Variants in MCF2L2 observed in about 807,000 individuals in gnomAD.
MCF2L2 encodes MCF.2 cell line derived transforming sequence-like 2.
MCF2L2 carries 102 observed loss-of-function variants against 150.2 expected under a neutral mutation model. That is an observed-to-expected ratio of 0.68 (90% CI 0.58 to 0.80). The LOEUF (loss-of-function observed/expected upper bound fraction) is 0.80. Ranked by LOEUF, MCF2L2 falls within the 30% of genes least tolerant of loss-of-function variation. The probability of loss-of-function intolerance (pLI) is 0.00; values close to 1 mark genes in which losing one functional copy is unlikely to be tolerated. For missense variants in MCF2L2, 1,256 were observed against 1,372.8 expected, an observed-to-expected ratio of 0.91 and a Z score of 1.34; for synonymous variants, 465 against 491.3, an observed-to-expected ratio of 0.95 and a Z score of 0.71.
intron 7 of MCF2L2, among the ~76,000 whole-genome samples, chr3:183,317,457 C>T (rs540640012): frequency 2.0e-5 from 3 of 152,128 alleles, no homozygotes; most frequent in Non-Finnish European, 4.4e-5. Context: ...TGCCAAGCTC[C>T]CTTTTCTCGG....
chr3:183,272,808 G>A (rs1443334615), intron 15 of MCF2L2: 2 of 1,185,344 alleles, frequency 1.7e-6, no homozygotes, highest in Non-Finnish European at 2.1e-6. Context: ...ATACTTGGAA[G>A]TGTTTAAGGT....
At chr3:183,251,237 A>G (rs1005617125) in intron 15 of MCF2L2, among the ~76,000 whole-genome samples, 2 of 152,184 alleles carry the variant, frequency 1.3e-5, no homozygotes, top group Non-Finnish European at 2.9e-5. Context: ...ATTTCGCTAA[A>G]CAGGTCAAGC....
intron 15 of MCF2L2, among the ~76,000 whole-genome samples, chr3:183,233,932 A>G (rs2108676087): frequency 6.6e-6 from 1 of 152,344 alleles, no homozygotes; most frequent in African/African-American, 2.4e-5. Context: ...CTATTTATAA[A>G]TACTTGTATA....
At position 183,323,263 on chromosome 3, in the gene MCF2L2, C is replaced by T. The variant is rs772064474; in HGVS notation, c.575G>A (p.Arg192His). 24 of 1,612,756 alleles carry T rather than the reference C, an allele frequency of 1.5e-5. No individual in the cohort carries two copies. Among genetic ancestry groups the T allele is most frequent in the Middle Eastern group, 1.6e-4 (1 of 6,078 alleles). Residue 192 changes from arginine to histidine, a missense_variant, in exon 6 of 30, where the codon CGC becomes CAC. Transcript: ENST00000328913. Reference protein sequence around the residue: ...TRELGGTLEYRHGQWVNHRTA... With the variant: ...TRELGGTLEYHHGQWVNHRTA... Reference sequence around the variant, plus strand: ...GCGGTGATTTACCCACTGACCGTGGCGATATTCCAAAGTCCCCCCTAATTC... The same window carrying T: ...GCGGTGATTTACCCACTGACCGTGGTGATATTCCAAAGTCCCCCCTAATTC...
At chr3:183,212,129 C>T (rs549908787) in intron 22 of MCF2L2, among the ~76,000 whole-genome samples, 34 of 152,148 alleles carry the variant, frequency 2.2e-4, no homozygotes, top group Non-Finnish European at 3.5e-4. Context: ...CAAGAATTGC[C>T]GGCAGTCACC....
intron 14 of MCF2L2, 74 bp from the exon 15 acceptor site, chr3:183,277,031 T>G: frequency 9.7e-7 from 1 of 1,028,822 alleles, no homozygotes; most frequent in Non-Finnish European, 1.4e-6. Flanking sequence ...CTCTCCCAAT[T>G]TCTGTGTTTG....
chr3:183,343,623 A>G (rs1730785749), intron 3 of MCF2L2, among the ~76,000 whole-genome samples: 1 of 152,022 alleles, frequency 6.6e-6, no homozygotes, highest in African/African-American at 2.4e-5. Context: ...ACCCACCTCA[A>G]TCCCCAAAGT....
At chr3:183,220,796 AC>A (rs1289853101) in intron 20 of MCF2L2, among the ~76,000 whole-genome samples, 3 of 152,188 alleles carry the variant, frequency 2.0e-5, no homozygotes, top group African/African-American at 7.2e-5. Flanking sequence ...TTTTAAAAAA[AC>A]GTTTGCTACT....
In MCF2L2 at chr3:183,270,925, C is replaced by T. The variant is rs200442374; in HGVS notation, c.1862+5947G>A. ...GTGGACACATACCCTTGTAGGGCTG[C>T]GTTTATCTAATAGTACTTGAATGTT... On this transcript the variant is annotated intron_variant, in intron 15 of 29. Transcript: ENST00000328913. The surrounding 1 kb of genome is among the most constrained non-coding windows in gnomAD (Gnocchi z 4.5). The T allele has an allele frequency of 3.8e-6, 6 of 1,573,286 alleles. No homozygotes were observed. Among genetic ancestry groups the T allele is most frequent in the Admixed American group, 1.9e-5 (1 of 51,646 alleles).
intron 1 of MCF2L2, among the ~76,000 whole-genome samples, chr3:183,413,825 C>A (rs915248322): frequency 6.6e-6 from 1 of 152,182 alleles, no homozygotes; most frequent in African/African-American, 2.4e-5. Context: ...ATTTACTATT[C>A]ATTAAGTGTA....
intron 27 of MCF2L2, among the ~76,000 whole-genome samples, chr3:183,187,601 T>C (rs1721741750): frequency 6.6e-6 from 1 of 152,190 alleles, no homozygotes; most frequent in Admixed American, 6.5e-5. Context: ...CCCGAGTAGC[T>C]GGGACGACAG....
At chr3:183,192,812 C>T (rs1336025866) in intron 27 of MCF2L2, 187 bp downstream of exon 27, 2 of 503,388 alleles carry the variant, frequency 4.0e-6, no homozygotes, top group Non-Finnish European at 7.1e-6. Flanking sequence ...TAATTCTGCC[C>T]CATTAGCTCT....
chr3:183,192,070 C>T (rs986018064), intron 27 of MCF2L2, among the ~76,000 whole-genome samples: 3 of 150,998 alleles, frequency 2.0e-5, no homozygotes, highest in Non-Finnish European at 4.4e-5. Context: ...AGGGTGATCT[C>T]GATCTCCTGA....
At chr3:183,327,206 T>C (rs1456939121) in intron 5 of MCF2L2, among the ~76,000 whole-genome samples, 1 of 152,058 alleles carries the variant, frequency 6.6e-6, no homozygotes, top group Non-Finnish European at 1.5e-5. Flanking sequence ...TCGCCTGTAA[T>C]CCCAGCTACT....
At chr3:183,212,948 T>TGGGGGGGG (rs1553882766) in intron 22 of MCF2L2, among the ~76,000 whole-genome samples, 3 of 1,896 alleles carry the variant, frequency 1.6e-3, no homozygotes, top group Admixed American at 5.2e-3. Context: ...ATAGGTATTG[T>TGGGGGGGG]GGGGGGGTGG....
chr3:183,392,502 AT>A (rs1164260519), intron 1 of MCF2L2, among the ~76,000 whole-genome samples: 1 of 152,186 alleles, frequency 6.6e-6, no homozygotes, highest in Non-Finnish European at 1.5e-5. Context: ...CAGGACTAAA[AT>A]TCATAATTTG....
intron 14 of MCF2L2, among the ~76,000 whole-genome samples, chr3:183,284,972 T>G (rs1727707438): frequency 6.6e-6 from 1 of 152,244 alleles, no homozygotes; most frequent in South Asian, 2.1e-4. Flanking sequence ...GTGTTTATAT[T>G]CAAATAGTTT....
chr3:183,375,061 A>G (rs1713117918), intron 3 of MCF2L2: 2 of 150,202 alleles, frequency 1.3e-5, no homozygotes, highest in East Asian at 2.0e-4. Flanking sequence ...CCATAACAAT[A>G]TATGTTTTCA....
chr3:183,409,009 G>A (rs912639846), intron 1 of MCF2L2, among the ~76,000 whole-genome samples: 2 of 152,210 alleles, frequency 1.3e-5, no homozygotes, highest in African/African-American at 4.8e-5. Context: ...TAAGACTCTA[G>A]TGCTTAGCAT....
Sources: allele counts gnomAD v4.1 joint callset (sites outside exome capture counted in the v4.1 genomes callset), GRCh38; gene constraint gnomAD v4.1.1; non-coding constraint Gnocchi (gnomAD v3.1); transcripts MANE v1.5; gene names NCBI Gene and HGNC (gene_info 2026-07-23, HGNC 2026-07-21).